DAAM1: variants seen among roughly 807,000 people sequenced by gnomAD.
DAAM1 encodes the protein dishevelled associated activator of morphogenesis 1, also known as disheveled-associated activator of morphogenesis 1.
DAAM1 carries 52 observed loss-of-function variants against 130.0 expected under a neutral mutation model. That is an observed-to-expected ratio of 0.40 (90% CI 0.32 to 0.50). The LOEUF (loss-of-function observed/expected upper bound fraction) is 0.50. Ranked by LOEUF, DAAM1 falls within the 20% of genes least tolerant of loss-of-function variation. DAAM1 has a pLI of 0.61. For missense variants in DAAM1, 1,134 were observed against 1,303.8 expected (o/e 0.87, Z 2.01); for synonymous variants, 452 against 444.5 (o/e 1.02, Z -0.21).
At chr14:59,323,912 G>C (rs1885110987) in intron 6 of DAAM1, among the ~76,000 whole-genome samples, 2 of 151,836 alleles carry the variant, frequency 1.3e-5, no homozygotes, top group South Asian at 4.2e-4. Context: ...GGCGCCTGTA[G>C]TCCCAGCTAC....
At chr14:59,253,169 A>G (rs1224073577) in intron 1 of DAAM1, among the ~76,000 whole-genome samples, 4 of 152,204 alleles carry the variant, frequency 2.6e-5, no homozygotes, top group Non-Finnish European at 5.9e-5. Context: ...AATATGTACA[A>G]CTTTATTTTT....
Position 59,195,398 on chromosome 14 carries a change from C to T in DAAM1, c.-38+6630C>T, listed in dbSNP as rs1181561003. ...GATCTCGTGATCCGCCTGCCTCGGC[C>T]TCCCAAAGAGCTGGGATTACAGGCG... On this transcript the variant is annotated intron_variant, in intron 1 of 24. Coordinates refer to ENST00000360909, the MANE Select transcript of DAAM1 (RefSeq NM_001270520.2). 2.0e-5 allele frequency among the ~76,000 whole-genome samples: 3 copies of T among 152,114 alleles called. No individual in the cohort carries two copies. In the East Asian group the frequency reaches 5.8e-4, roughly 29 times the overall value.
chr14:59,297,312 T>C (rs941707637), intron 3 of DAAM1, among the ~76,000 whole-genome samples: 1 of 152,240 alleles, frequency 6.6e-6, no homozygotes, highest in Non-Finnish European at 1.5e-5. Flanking sequence ...CAAAGCCATT[T>C]GGTAACGTGT....
intron 1 of DAAM1, among the ~76,000 whole-genome samples, chr14:59,252,685 T>G (rs937360937): frequency 2.6e-5 from 4 of 152,182 alleles, no homozygotes; most frequent in African/African-American, 9.6e-5. Context: ...GGTTAACATA[T>G]TTCCACCAAA....
In DAAM1 at chr14:59,368,888, C is replaced by T; in HGVS notation, c.*29C>T. On this transcript the variant is annotated 3_prime_UTR_variant, in exon 25 of 25. Coordinates refer to ENST00000360909, the MANE Select transcript of DAAM1 (RefSeq NM_001270520.2). Reference sequence around the variant, plus strand: ...TCCATGAATACTTTTTTTTAGAAAGCTCATTAGCAGCCCTCTAAAGTGACT... The same window carrying T: ...TCCATGAATACTTTTTTTTAGAAAGTTCATTAGCAGCCCTCTAAAGTGACT... 2 of 1,603,114 alleles carry T rather than the reference C, an allele frequency of 1.2e-6. No homozygotes were observed. Among genetic ancestry groups the T allele is most frequent in the Non-Finnish European group, 1.7e-6 (2 of 1,172,950 alleles).
At chr14:59,289,871 C>G (rs1883662447) in intron 2 of DAAM1, among the ~76,000 whole-genome samples, 1 of 151,048 alleles carries the variant, frequency 6.6e-6, no homozygotes, top group South Asian at 2.1e-4. Flanking sequence ...CCTTAGTGAA[C>G]CAGCCCAGAA....
At chr14:59,287,860 A>T (rs537122260) in intron 2 of DAAM1, among the ~76,000 whole-genome samples, 7 of 152,366 alleles carry the variant, frequency 4.6e-5, no homozygotes, top group Admixed American at 1.3e-4. Context: ...AGCAATTTAC[A>T]GAGTCAATGC....
At chr14:59,238,865 A>C (rs1889389031) in intron 1 of DAAM1, among the ~76,000 whole-genome samples, 1 of 152,162 alleles carries the variant, frequency 6.6e-6, no homozygotes, top group East Asian at 1.9e-4. Context: ...AGATAATTTG[A>C]ATGGTATTCT....
chr14:59,342,725 C>T (rs563263752), intron 16 of DAAM1, among the ~76,000 whole-genome samples: 1 of 152,256 alleles, frequency 6.6e-6, no homozygotes, highest in East Asian at 1.9e-4. Context: ...GATTTGTGCG[C>T]AGTTCAGGGC....
chr14:59,359,158 T>C, intron 20 of DAAM1: 1 of 310,286 alleles, frequency 3.2e-6, no homozygotes, highest in East Asian at 5.3e-5. Context: ...AGAAATTGTG[T>C]GCTTTTTGAC....
At chr14:59,343,785 T>C (rs909692176) in intron 16 of DAAM1, among the ~76,000 whole-genome samples, 15 of 151,908 alleles carry the variant, frequency 9.9e-5, no homozygotes, top group South Asian at 2.1e-4. Flanking sequence ...CCTGAGTGAG[T>C]AGGATATTTG....
At chr14:59,283,945 G>T (rs957210450) in intron 2 of DAAM1, among the ~76,000 whole-genome samples, 10 of 152,152 alleles carry the variant, frequency 6.6e-5, no homozygotes, top group Admixed American at 2.0e-4. Flanking sequence ...CAGCACAGGT[G>T]CTCCATTTTT....
chr14:59,369,059 T>TC lies in DAAM1; in HGVS notation c.*200_*201insC. On this transcript the variant is annotated 3_prime_UTR_variant, in exon 25 of 25. Transcript: ENST00000360909. Reference sequence around the variant, plus strand: ...GATGTCTGAGTGTTGTCTGGAGACCTATACGTATGGTTAAAAAGATTTATG... The same window carrying TC: ...GATGTCTGAGTGTTGTCTGGAGACCTCATACGTATGGTTAAAAAGATTTATG... 1.8e-6 allele frequency: 1 copy of TC among 544,306 alleles called. No homozygotes were observed. The highest frequency in any genetic ancestry group is 3.2e-6 in the Non-Finnish European group (1 of 309,726). The allele number at this position is 544,306 out of a possible 1,614,324, so 33.7% of individuals were successfully genotyped here. A position where few individuals can be genotyped will look rare whatever the true frequency, so the allele number is the denominator to read the frequency against.
At chr14:59,211,264 C>A (rs770543395) in intron 1 of DAAM1, among the ~76,000 whole-genome samples, 2 of 152,168 alleles carry the variant, frequency 1.3e-5, no homozygotes, top group Non-Finnish European at 2.9e-5. Flanking sequence ...TTAGAGAAGA[C>A]ATACTGAGTA....
chr14:59,363,662 T>C lies in DAAM1; in HGVS notation c.2706T>C (p.Tyr902=), dbSNP rs760282387. 1 of 1,614,106 alleles carries C rather than the reference T, an allele frequency of 6.2e-7. No homozygotes were observed. The highest frequency in any genetic ancestry group is 1.1e-5 in the South Asian group (1 of 91,080). Residue 902 remains tyrosine, a synonymous_variant, in exon 23 of 25, where the codon TAT becomes TAC. Transcript: ENST00000360909. The part of the protein sequence containing the change: ...GLKAVETELE[Y]QKSQPPQPGD... ...TTCCTGTGTTTAAGGAGCTGGAATA[T>C]CAGAAGTCTCAGCCCCCACAGCCCG...
In DAAM1 at chr14:59,325,609, G is replaced by GGA. The variant is rs1421764318; in HGVS notation, c.990-55_990-54insGA. On this transcript the variant is annotated intron_variant, in intron 8 of 24. Transcript: ENST00000360909. Reference sequence around the variant, plus strand: ...ATGATATTAATGTCCTCAGTCTTATGCACCTGTGTTTATAGGATGTTCTAC... The same window carrying GGA: ...ATGATATTAATGTCCTCAGTCTTATGGACACCTGTGTTTATAGGATGTTCTAC... The GGA allele has an allele frequency of 2.1e-6, 3 of 1,459,642 alleles. No homozygotes were observed. In the East Asian group the frequency reaches 6.8e-5, roughly 33 times the overall value. The allele number at this position is 1,459,642 out of a possible 1,614,324, so 90.4% of individuals were successfully genotyped here. A position where few individuals can be genotyped will look rare whatever the true frequency, so the allele number is the denominator to read the frequency against.
intron 15 of DAAM1, among the ~76,000 whole-genome samples, chr14:59,334,167 T>A (rs1382862760): frequency 6.6e-6 from 1 of 152,234 alleles, no homozygotes; most frequent in Non-Finnish European, 1.5e-5. Context: ...AAATATATTT[T>A]CTAAATAAGG....
At chr14:59,304,943 C>T (rs1884316839) in intron 3 of DAAM1, among the ~76,000 whole-genome samples, 1 of 152,184 alleles carries the variant, frequency 6.6e-6, no homozygotes, top group Non-Finnish European at 1.5e-5. Context: ...TTGTGTTAAA[C>T]ATTATATTGC....
intron 1 of DAAM1, among the ~76,000 whole-genome samples, chr14:59,195,166 G>A (rs1887846568): frequency 2.9e-5 from 3 of 102,472 alleles, no homozygotes; most frequent in Non-Finnish European, 3.7e-5. Context: ...TTTTTTTTGA[G>A]ACAATCTTGC....
Sources: allele counts gnomAD v4.1 joint callset (sites outside exome capture counted in the v4.1 genomes callset), GRCh38; gene constraint gnomAD v4.1.1; transcripts MANE v1.5; gene names NCBI Gene and HGNC (gene_info 2026-07-23, HGNC 2026-07-21).